The following NHSL2 variants were observed in gnomAD, a reference collection of about 807,000 sequenced individuals.
The protein encoded by NHSL2 is NHS-like protein 2.
In NHSL2, 27 loss-of-function variants were observed where a neutral mutation model predicts 53.4. That is an observed-to-expected ratio of 0.51 (90% CI 0.37 to 0.70). The LOEUF (loss-of-function observed/expected upper bound fraction) is 0.70. Ranked by LOEUF, NHSL2 falls within the 30% of genes least tolerant of loss-of-function variation. NHSL2 has a pLI of 0.00. For missense variants in NHSL2, 892 were observed against 980.1 expected, an observed-to-expected ratio of 0.91 and a Z score of 1.20; for synonymous variants, 408 against 404.1, an observed-to-expected ratio of 1.01 and a Z score of -0.12.
chrX:72,048,303 T>G (rs915863586), intron 1 of NHSL2, among the ~76,000 whole-genome samples: 6 of 110,634 alleles, frequency 5.4e-5, no homozygotes, highest in Admixed American at 3.8e-4. Context: ...GTTCCCACAC[T>G]TGGGTTCAAG....
Position 71,963,974 on chromosome X carries a change from C to CATATATAT in NHSL2, c.280+52618_280+52625dup, listed in dbSNP as rs377152946. Reference sequence around the variant, plus strand: ...CTATATATATACACATATATATATACATATATATATATATATATGTATATA... The same window carrying CATATATAT: ...CTATATATATACACATATATATATACATATATATATATATATATATATATATGTATATA... On this transcript the variant is annotated intron_variant, in intron 1 of 7. Coordinates refer to ENST00000633930, the MANE Select transcript of NHSL2 (RefSeq NM_001013627.3). 1.4e-3 allele frequency among the ~76,000 whole-genome samples: 68 copies of CATATATAT among 47,969 alleles called. 3 individuals carry two copies. In the East Asian group the frequency reaches 0.017, roughly 12 times the overall value. The allele number at this position is 47,969 out of a possible 115,157, so 41.7% of individuals were successfully genotyped here. A position where few individuals can be genotyped will look rare whatever the true frequency, so the allele number is the denominator to read the frequency against.
At chrX:71,923,322 A>G (rs760975791) in intron 1 of NHSL2, among the ~76,000 whole-genome samples, 6 of 111,888 alleles carry the variant, frequency 5.4e-5, no homozygotes, top group Non-Finnish European at 1.1e-4. Flanking sequence ...GGTAATAAGT[A>G]TTAAAATATG....
chrX:71,916,171 C>T (rs768057535), intron 1 of NHSL2, among the ~76,000 whole-genome samples: 1 of 111,637 alleles, frequency 9.0e-6, no homozygotes, highest in Non-Finnish European at 1.9e-5. Context: ...GCTTTCAATC[C>T]AGTTGTAGAC....
chrX:72,141,721 C>T (rs759455408), intron 6 of NHSL2, among the ~76,000 whole-genome samples: 2 of 112,145 alleles, frequency 1.8e-5, no homozygotes, highest in South Asian at 3.7e-4. Flanking sequence ...TTTTCTGAAC[C>T]CTTAACACCA....
chrX:71,999,611 C>T (rs148042518), intron 1 of NHSL2, among the ~76,000 whole-genome samples: 272 of 112,097 alleles, frequency 2.4e-3, no homozygotes, highest in Non-Finnish European at 4.2e-3. Flanking sequence ...AGTAGAAAAG[C>T]TGGTGAACTC....
At chrX:72,085,957 A>T (rs1039942219) in intron 1 of NHSL2, among the ~76,000 whole-genome samples, 1 of 110,672 alleles carries the variant, frequency 9.0e-6, no homozygotes, top group Non-Finnish European at 1.9e-5. Flanking sequence ...TCCCTGTCAG[A>T]TGCCAATGAA....
intron 1 of NHSL2, among the ~76,000 whole-genome samples, chrX:72,033,279 C>T (rs946547658): frequency 9.2e-5 from 10 of 108,444 alleles, no homozygotes; most frequent in Admixed American, 8.7e-4. Flanking sequence ...CTCCGACTCC[C>T]GGGTTCAAGT....
chrX:72,010,242 G>A (rs750973770), intron 1 of NHSL2, among the ~76,000 whole-genome samples: 1 of 111,868 alleles, frequency 8.9e-6, no homozygotes, highest in Non-Finnish European at 1.9e-5. Context: ...TCCAAATTAG[G>A]AGGCTCAGTA....
intron 1 of NHSL2, among the ~76,000 whole-genome samples, chrX:71,949,810 C>T (rs920258235): frequency 5.3e-5 from 6 of 112,972 alleles, no homozygotes; most frequent in Admixed American, 9.3e-5. Context: ...ATCGGAAACT[C>T]GAAATCCCCC....
chrX:71,964,144 C>A (rs1302833746), intron 1 of NHSL2, among the ~76,000 whole-genome samples: 2 of 99,538 alleles, frequency 2.0e-5, no homozygotes, highest in African/African-American at 7.3e-5. Flanking sequence ...ATACACATGC[C>A]ATGGTGGTTT....
intron 1 of NHSL2, among the ~76,000 whole-genome samples, chrX:72,082,934 A>G (rs1466377425): frequency 8.9e-6 from 1 of 112,228 alleles, no homozygotes; most frequent in Non-Finnish European, 1.9e-5. Flanking sequence ...TGGGATCAGT[A>G]GCCTAAAACA....
chrX:72,017,741 C>T (rs1160138325), intron 1 of NHSL2, among the ~76,000 whole-genome samples: 1 of 112,595 alleles, frequency 8.9e-6, no homozygotes, highest in African/African-American at 3.2e-5. Flanking sequence ...ACCTAACTGT[C>T]TAACAAAGCT....
At chrX:71,962,708 C>T (rs945508717) in intron 1 of NHSL2, among the ~76,000 whole-genome samples, 33 of 105,663 alleles carry the variant, frequency 3.1e-4, no homozygotes, top group African/African-American at 1.1e-3. Context: ...TAGCTCACTG[C>T]ACACTCGATC....
At chrX:71,919,255 C>T (rs1170757342) in intron 1 of NHSL2, among the ~76,000 whole-genome samples, 4 of 111,927 alleles carry the variant, frequency 3.6e-5, no homozygotes, top group Non-Finnish European at 7.5e-5. Flanking sequence ...TCCCACTTGC[C>T]CAGCACCTAC....
chrX:71,932,904 C>A (rs748757252), intron 1 of NHSL2, among the ~76,000 whole-genome samples: 4 of 112,757 alleles, frequency 3.5e-5, no homozygotes, highest in Non-Finnish European at 5.6e-5. Context: ...CAAAGCCAGA[C>A]CAGAATCCTG....
intron 1 of NHSL2, among the ~76,000 whole-genome samples, chrX:71,957,494 C>A (rs2041848097): frequency 8.9e-6 from 1 of 112,103 alleles, no homozygotes; most frequent in African/African-American, 3.3e-5. Flanking sequence ...TCTCGATCTC[C>A]TGACCTCGTG....
intron 1 of NHSL2, among the ~76,000 whole-genome samples, chrX:72,050,242 T>C (rs751096156): frequency 2.7e-5 from 3 of 111,554 alleles, no homozygotes. Flanking sequence ...ATTTATTGTT[T>C]TTTTGACTGA....
Position 72,139,993 on chromosome X carries a change from C to A in NHSL2, c.2445C>A (p.Pro815=). 8.3e-7 allele frequency: 1 copy of A among 1,210,218 alleles called. No homozygotes were observed. Among genetic ancestry groups the A allele is most frequent in the Non-Finnish European group, 1.1e-6 (1 of 894,680 alleles). The change falls in exon 6 of 8, where the codon CCC becomes CCA. Residue 815 remains proline, a synonymous_variant. Coordinates refer to ENST00000633930, the MANE Select transcript of NHSL2 (RefSeq NM_001013627.3). ...FGVKLAQKTN[P]NQPIMPMVTQ... ...TCAAGCTGGCCCAGAAAACTAATCC[C>A]AACCAGCCAATCATGCCTATGGTTA...
chrX:72,095,938 A>G (rs948572887), intron 1 of NHSL2, among the ~76,000 whole-genome samples: 5 of 111,089 alleles, frequency 4.5e-5, no homozygotes, highest in Non-Finnish European at 9.4e-5. Flanking sequence ...CATTCAACAA[A>G]TAAGTGTCTA....
Sources: allele counts gnomAD v4.1 joint callset (sites outside exome capture counted in the v4.1 genomes callset), GRCh38; gene constraint gnomAD v4.1.1; transcripts MANE v1.5; gene names NCBI Gene and HGNC (gene_info 2026-07-23, HGNC 2026-07-21).